Variants in STAG1 observed in about 807,000 individuals in gnomAD.
The protein encoded by STAG1 is STAG1 cohesin complex component.
In STAG1, 26 loss-of-function variants were observed where a neutral mutation model predicts 170.9. The observed-to-expected ratio is 0.15, with a 90% CI of 0.11 to 0.21. The LOEUF (loss-of-function observed/expected upper bound fraction) is 0.21, where lower values mean the gene tolerates loss of function less well. Among genes scored for constraint, STAG1 ranks in the 10% least tolerant of loss-of-function variants. The probability of loss-of-function intolerance (pLI) is 1.00; values close to 1 mark genes in which losing one functional copy is unlikely to be tolerated. For missense variants in STAG1, 964 were observed against 1,509.5 expected (o/e 0.64, Z 5.99); for synonymous variants, 514 against 497.7 (o/e 1.03, Z -0.44).
chr3:136,469,762 G>A (rs946636591), intron 12 of STAG1, among the ~76,000 whole-genome samples: 3 of 151,976 alleles, frequency 2.0e-5, no homozygotes, highest in Non-Finnish European at 2.9e-5. Flanking sequence ...AACCAAAACA[G>A]CATGGTACTG....
intron 21 of STAG1, among the ~76,000 whole-genome samples, chr3:136,414,861 AT>A (rs1289020805): frequency 2.0e-5 from 3 of 152,208 alleles, no homozygotes; most frequent in African/African-American, 7.2e-5. Context: ...TTGTAGAGTT[AT>A]TAAGTGGCCT....
At position 136,633,722 on chromosome 3, in the gene STAG1, G is replaced by C. The variant is rs1320350598; in HGVS notation, c.-83-2741C>G. Among the ~76,000 whole-genome samples, 28 of 129,142 alleles carry C rather than the reference G, an allele frequency of 2.2e-4. 1 individual carries two copies. The highest frequency in any genetic ancestry group is 3.9e-3 in the Middle Eastern group (1 of 256). 84.7% of individuals were successfully genotyped at this position (129,142 alleles called of 152,430 possible). ...ATATCAAAAAAAAAGGGGGGGGGGG[G>C]GGTCAGGGGCACAGATATTATAGGC... is the stretch of plus-strand genomic sequence containing the variant. On this transcript the variant is annotated intron_variant, in intron 1 of 33. Coordinates refer to ENST00000383202, the MANE Select transcript of STAG1 (RefSeq NM_005862.3).
intron 4 of STAG1, among the ~76,000 whole-genome samples, chr3:136,587,221 A>G (rs1303686703): frequency 1.3e-5 from 2 of 152,118 alleles, no homozygotes; most frequent in East Asian, 3.9e-4. Flanking sequence ...TCATCTGAGG[A>G]TTTTCAAACA....
chr3:136,535,582 G>C (rs1317446859), intron 6 of STAG1, among the ~76,000 whole-genome samples: 1 of 152,238 alleles, frequency 6.6e-6, no homozygotes, highest in Non-Finnish European at 1.5e-5. Flanking sequence ...AGAATCACTT[G>C]AACTTGGGAG....
intron 14 of STAG1, 135 bp downstream of exon 14, chr3:136,451,898 A>AT: frequency 1.6e-6 from 1 of 609,252 alleles, no homozygotes; most frequent in Non-Finnish European, 2.8e-6. Flanking sequence ...GACTGATTCT[A>AT]TATCATGCAA....
At chr3:136,714,409 G>A (rs531762944) in intron 1 of STAG1, among the ~76,000 whole-genome samples, 60 of 152,090 alleles carry the variant, frequency 3.9e-4, no homozygotes, top group African/African-American at 1.2e-3. Flanking sequence ...TCCTGGCAAC[G>A]TACCGAGAAC....
intron 4 of STAG1, among the ~76,000 whole-genome samples, chr3:136,596,936 G>C (rs570130862): frequency 3.9e-5 from 6 of 152,092 alleles, no homozygotes; most frequent in Non-Finnish European, 7.4e-5. Context: ...TTAGCCAGGC[G>C]TACTGGCGCA....
chr3:136,443,302 C>A lies in STAG1; in HGVS notation c.1531G>T (p.Val511Phe). ...CMTELLLEEPVQGEEAMSDRQ... is the reference protein window; with the variant it reads ...CMTELLLEEPFQGEEAMSDRQ... ...AATACTATACCTTCCTCTCCTTGAA[C>A]AGGTTCTTCTAATAGCAACTCTGTC... is the stretch of plus-strand genomic sequence containing the variant. Residue 511 changes from valine (V) to phenylalanine (F), a missense_variant, in exon 15 of 34, where the codon GTT becomes TTT. Val to Phe is a conservative substitution (Grantham distance 50, BLOSUM62 -1). Transcript: ENST00000383202. 1.9e-6 allele frequency: 3 copies of A among 1,611,578 alleles called. No individual in the cohort carries two copies. The highest frequency in any genetic ancestry group is 2.5e-6 in the Non-Finnish European group (3 of 1,178,152).
At chr3:136,503,235 A>C (rs1486044773) in intron 7 of STAG1, among the ~76,000 whole-genome samples, 1 of 152,104 alleles carries the variant, frequency 6.6e-6, no homozygotes, top group Non-Finnish European at 1.5e-5. Flanking sequence ...CTTTACCCCC[A>C]TATATGGTCC....
At chr3:136,460,988 A>G (rs1353433464) in intron 13 of STAG1, among the ~76,000 whole-genome samples, 1 of 152,202 alleles carries the variant, frequency 6.6e-6, no homozygotes, top group African/African-American at 2.4e-5. Flanking sequence ...ACTGTACCAT[A>G]ATCAAGCAGG....
intron 7 of STAG1, among the ~76,000 whole-genome samples, chr3:136,508,227 T>C (rs1169243962): frequency 2.6e-5 from 4 of 152,240 alleles, no homozygotes; most frequent in Admixed American, 6.5e-5. Flanking sequence ...ATTTTGTAGA[T>C]ATTCCTTGAA....
At position 136,676,437 on chromosome 3, in the gene STAG1, G is replaced by A. The variant is rs186542290; in HGVS notation, c.-83-45456C>T. On this transcript the variant is annotated intron_variant, in intron 1 of 33. Transcript: ENST00000383202. Reference sequence around the variant, plus strand: ...CAGCTTAAAACAAACACATTGTCTGGATATACAAAAATATTTTCTTTCTTT... The same window carrying A: ...CAGCTTAAAACAAACACATTGTCTGAATATACAAAAATATTTTCTTTCTTT... 6.0e-4 allele frequency among the ~76,000 whole-genome samples: 91 copies of A among 152,104 alleles called. 1 individual carries two copies. In the Middle Eastern group the frequency reaches 0.017, roughly 28 times the overall value.
At chr3:136,584,174 G>T (rs1937691107) in intron 4 of STAG1, among the ~76,000 whole-genome samples, 1 of 152,124 alleles carries the variant, frequency 6.6e-6, no homozygotes. Context: ...TACTGGTCTT[G>T]GTTTCTTTCT....
chr3:136,740,733 G>C (rs1481003927), intron 1 of STAG1, among the ~76,000 whole-genome samples: 2 of 152,108 alleles, frequency 1.3e-5, no homozygotes, highest in African/African-American at 4.8e-5. Flanking sequence ...GCCCGCCCCA[G>C]CCTCCAAAAG....
At chr3:136,397,140 A>T (rs1158767434) in intron 22 of STAG1, among the ~76,000 whole-genome samples, 2 of 152,242 alleles carry the variant, frequency 1.3e-5, no homozygotes, top group African/African-American at 4.8e-5. Context: ...ATACACAAAC[A>T]TACTAATATC....
At chr3:136,614,002 G>A (rs1186838013) in intron 3 of STAG1, among the ~76,000 whole-genome samples, 3 of 152,050 alleles carry the variant, frequency 2.0e-5, no homozygotes, top group East Asian at 1.9e-4. Flanking sequence ...ATTAGCTGAG[G>A]TCAGGAGTTT....
At chr3:136,553,630 C>G (rs1345045098) in intron 5 of STAG1, among the ~76,000 whole-genome samples, 1 of 152,032 alleles carries the variant, frequency 6.6e-6, no homozygotes, top group Non-Finnish European at 1.5e-5. Context: ...AAAAATTAGC[C>G]GGGTGTGGTG....
chr3:136,427,581 A>G (rs1385797994), intron 16 of STAG1, among the ~76,000 whole-genome samples: 1 of 152,108 alleles, frequency 6.6e-6, no homozygotes, highest in African/African-American at 2.4e-5. Context: ...TAAAGAAAAA[A>G]ATTAAATTGC....
intron 6 of STAG1, 82 bp from the exon 7 acceptor site, chr3:136,521,499 G>GGAA: frequency 2.4e-6 from 3 of 1,228,378 alleles, no homozygotes; most frequent in Non-Finnish European, 3.4e-6. Flanking sequence ...TACCTACATA[G>GGAA]GAACCCTTTT....
Sources: gnomAD v4.1 joint callset for allele counts (sites outside exome capture counted in the v4.1 genomes callset) on GRCh38, gnomAD v4.1.1 for gene constraint, MANE v1.5 for transcripts, NCBI Gene and HGNC (gene_info 2026-07-23, HGNC 2026-07-21) for gene names.